Variants in OTOA observed in about 807,000 individuals in gnomAD.
The protein encoded by OTOA is otoancorin, also known as cancer/testis antigen 108.
In OTOA, 70 loss-of-function variants were observed where a neutral mutation model predicts 110.8. The observed-to-expected ratio is 0.63, with a 90% CI of 0.52 to 0.77. The LOEUF is 0.77. Ranked by LOEUF, OTOA falls within the 30% of genes least tolerant of loss-of-function variation. The pLI is 0.00. For missense variants in OTOA, 917 were observed against 1,075.8 expected (o/e 0.85, Z 2.06); for synonymous variants, 373 against 431.5 (o/e 0.86, Z 1.68).
intron 17 of OTOA, chr16:21,721,585 T>C: frequency 2.3e-6 from 1 of 433,690 alleles, no homozygotes; most frequent in Non-Finnish European, 4.7e-6. Context: ...TTTTGAGAGT[T>C]TTCTTTTATA....
intron 11 of OTOA, chr16:21,704,899 A>T: frequency 1.3e-6 from 1 of 778,532 alleles, no homozygotes; most frequent in Non-Finnish European, 2.4e-6. Flanking sequence ...CCATGAGGTG[A>T]TGCCAGGACT....
At chr16:21,723,349 C>G (rs1898818638) in intron 18 of OTOA, among the ~76,000 whole-genome samples, 1 of 152,028 alleles carries the variant, frequency 6.6e-6, no homozygotes, top group South Asian at 2.1e-4. Flanking sequence ...TGCAGGGTGG[C>G]CCTGCTTTTC....
At chr16:21,707,464 AT>A (rs1406697384) in intron 12 of OTOA, among the ~76,000 whole-genome samples, 2 of 151,648 alleles carry the variant, frequency 1.3e-5, no homozygotes, top group East Asian at 3.9e-4. Context: ...GTGGAAGACA[AT>A]TTTTTTCCGT....
intron 11 of OTOA, among the ~76,000 whole-genome samples, chr16:21,702,131 G>A (rs1898066081): frequency 6.6e-6 from 1 of 152,032 alleles, no homozygotes; most frequent in Non-Finnish European, 1.5e-5. Context: ...TGTATTTTTA[G>A]TGGAGACTGG....
chr16:21,732,730 A>T (rs1179667724), intron 21 of OTOA, among the ~76,000 whole-genome samples: 1 of 151,604 alleles, frequency 6.6e-6, no homozygotes, highest in South Asian at 2.1e-4. Flanking sequence ...TAAATAAATA[A>T]ATAGTAGCTG....
chr16:21,691,557 G>C, intron 8 of OTOA, 27 bp from the exon 9 acceptor site: 1 of 1,584,012 alleles, frequency 6.3e-7, no homozygotes, highest in South Asian at 1.1e-5. Flanking sequence ...CTTGTTATTA[G>C]CTGATGCCTG....
intron 1 of OTOA, among the ~76,000 whole-genome samples, chr16:21,670,908 G>T (rs1440194347): frequency 6.6e-6 from 1 of 152,120 alleles, no homozygotes; most frequent in Non-Finnish European, 1.5e-5. Flanking sequence ...GGAACAGCCT[G>T]TGAGAGGGTC....
At chr16:21,688,737 C>T (rs544990299) in intron 8 of OTOA, among the ~76,000 whole-genome samples, 2 of 152,018 alleles carry the variant, frequency 1.3e-5, no homozygotes, top group Non-Finnish European at 2.9e-5. Flanking sequence ...GCACTAATCC[C>T]ATTCATGAGG....
rs996928411 is a variant in OTOA, at chr16:21,679,015, T to C, written c.121-21T>C. 5 of 1,614,022 alleles carry C rather than the reference T, an allele frequency of 3.1e-6. No homozygotes were observed. The African/African-American group carries it at 4.0e-5, about 13-fold the overall frequency. The stretch of plus-strand genomic sequence containing the variant: ...GCCAACTTTTGGTTGTTATACTTGA[T>C]GTTATCTCTTTGCCTTTTAGGAAGA... On this transcript the variant is annotated intron_variant, in intron 3 of 28. Coordinates refer to ENST00000646100, the MANE Select transcript of OTOA (RefSeq NM_144672.4).
chr16:21,714,251 T>TC (rs1322279267), intron 13 of OTOA, among the ~76,000 whole-genome samples: 26 of 133,758 alleles, frequency 1.9e-4, no homozygotes, highest in Admixed American at 1.4e-3. Flanking sequence ...TTTCTTTCTT[T>TC]TTTCTTTCTT....
rs1393131867 is a variant in OTOA at position 21,751,619 on chromosome 16, T to A, written c.2776-316T>A. Among the ~76,000 whole-genome samples, 4 of 103,688 alleles carry A rather than the reference T, an allele frequency of 3.9e-5. 2 individuals carry two copies. The highest frequency in any genetic ancestry group is 8.7e-5 in the Non-Finnish European group (4 of 45,926). 68.0% of individuals were successfully genotyped at this position (103,688 alleles called of 152,430 possible). ...TGCAGAAGAAGTTGTATGTCCAAAC[T>A]GTCTGAGGGTCATAAGAGTGACTGA... On this transcript the variant is annotated intron_variant, in intron 24 of 28. Transcript: ENST00000646100.
chr16:21,664,703 G>A (rs1468021655), intron 1 of OTOA, among the ~76,000 whole-genome samples: 11 of 152,062 alleles, frequency 7.2e-5, no homozygotes, highest in African/African-American at 2.7e-4. Context: ...TAAAGGCCGG[G>A]GCTCACACCT....
At chr16:21,717,487 CTTA>C (rs1029165589) in intron 15 of OTOA, among the ~76,000 whole-genome samples, 1 of 152,076 alleles carries the variant, frequency 6.6e-6, no homozygotes, top group African/African-American at 2.4e-5. Context: ...CTGGCTCCCA[CTTA>C]TTTATTAGCT....
intron 1 of OTOA, among the ~76,000 whole-genome samples, chr16:21,677,778 G>A (rs543997549): frequency 2.7e-4 from 41 of 152,098 alleles, no homozygotes; most frequent in Non-Finnish European, 4.9e-4. Flanking sequence ...CACTGCGCCT[G>A]GCCAACTTCA....
chr16:21,711,709 C>T (rs748379379), intron 13 of OTOA, among the ~76,000 whole-genome samples: 9 of 152,094 alleles, frequency 5.9e-5, no homozygotes, highest in African/African-American at 1.2e-4. Flanking sequence ...CCTTGTAATC[C>T]GCCTGCCTCA....
At chr16:21,695,987 C>G (rs1190701477) in intron 9 of OTOA, among the ~76,000 whole-genome samples, 14 of 147,852 alleles carry the variant, frequency 9.5e-5, no homozygotes. Context: ...TTCTGCCTCC[C>G]GGGTTCAAGT....
chr16:21,705,169 G>C lies in OTOA; in HGVS notation c.981G>C (p.Arg327Ser). 6.2e-7 allele frequency: 1 copy of C among 1,614,150 alleles called. No homozygotes were observed. The highest frequency in any genetic ancestry group is 1.1e-5 in the South Asian group (1 of 91,076). Residue 327 changes from arginine to serine, a missense_variant and splice_region_variant, in exon 12 of 29, where the codon AGG becomes AGC. Transcript: ENST00000646100. ...CACCATCCCTCCTCTTCTCACACAGGCTGGGGCTGCTGGTTTGTTTCTACA... is the reference window on the plus strand; with the variant it reads ...CACCATCCCTCCTCTTCTCACACAGCCTGGGGCTGCTGGTTTGTTTCTACA... Reference protein sequence around the residue: ...FNMRNTSTIHRLGLLVCFYND... With the variant: ...FNMRNTSTIHSLGLLVCFYND...
At chr16:21,684,793 C>T (rs2141658231) in intron 6 of OTOA, among the ~76,000 whole-genome samples, 1 of 150,212 alleles carries the variant, frequency 6.7e-6, no homozygotes, top group East Asian at 2.0e-4. Flanking sequence ...CGCTCTGTCA[C>T]CAGGCTGGAG....
chr16:21,681,472 G>A (rs1555496494), intron 5 of OTOA, among the ~76,000 whole-genome samples: 1 of 152,036 alleles, frequency 6.6e-6, no homozygotes, highest in South Asian at 2.1e-4. Context: ...GATCCCAGCT[G>A]CTTGGGTGGC....
Sources: allele counts gnomAD v4.1 joint callset (sites outside exome capture counted in the v4.1 genomes callset), GRCh38; gene constraint gnomAD v4.1.1; transcripts MANE v1.5; gene names NCBI Gene and HGNC (gene_info 2026-07-23, HGNC 2026-07-21).